RPS20: variants seen among roughly 807,000 people sequenced by gnomAD.
The protein encoded by RPS20 is small ribosomal subunit protein uS10.
Under a neutral mutation model 15.3 loss-of-function variants are expected in RPS20, and 3 were observed. The observed-to-expected ratio is 0.20, with a 90% confidence interval of 0.09 to 0.51. The LOEUF (loss-of-function observed/expected upper bound fraction) is 0.51. Among genes scored for constraint, RPS20 ranks in the 20% least tolerant of loss-of-function variants. RPS20 has a pLI of 0.96. For synonymous variants in RPS20, 62 were observed against 47.8 expected (o/e 1.30, Z -1.23); for missense variants, 67 against 145.9 (o/e 0.46, Z 2.79).
At chr8:56,072,876 G>A (rs1435178369), downstream of RPS20, 4 of 1,273,002 alleles carry the variant, frequency 3.1e-6, no homozygotes, top group Non-Finnish European at 3.0e-6. Flanking sequence ...AATAAAACCA[G>A]TCAGGTCTCA....
chr8:56,070,359 A>G (rs895019519), downstream of RPS20, among the ~76,000 whole-genome samples: 1 of 152,282 alleles, frequency 6.6e-6, no homozygotes. Flanking sequence ...CTGCATGGCT[A>G]GAGATTCTAC....
downstream of RPS20, chr8:56,069,842 CA>C (rs1361123521): frequency 2.9e-6 from 4 of 1,396,718 alleles, no homozygotes; most frequent in African/African-American, 5.7e-5. Context: ...AACTGTAGAT[CA>C]AAAGTATTCA....
exon 6 of RPS20, chr8:56,067,685 G>GA (rs374091971): frequency 0.012 from 1,589 of 136,220 alleles, 19 homozygotes; most frequent in African/African-American, 0.031. Flanking sequence ...GACTCCGTCT[G>GA]AAAAAAAAAA....
At chr8:56,069,213 G>A (rs976011379), downstream of RPS20, among the ~76,000 whole-genome samples, 14 of 151,944 alleles carry the variant, frequency 9.2e-5, no homozygotes, top group African/African-American at 3.4e-4. Flanking sequence ...AAGGAAATAA[G>A]GATTGATTTT....
intron 3 of RPS20, 68 bp downstream of exon 3, chr8:56,073,626 CT>C: frequency 7.3e-7 from 1 of 1,369,310 alleles, no homozygotes; most frequent in Non-Finnish European, 1.0e-6. Flanking sequence ...AGCCGAACTC[CT>C]TAAAGAACCT....
intron 1 of RPS20, 47 bp downstream of exon 1, chr8:56,074,334 G>A: frequency 6.5e-7 from 1 of 1,547,446 alleles, no homozygotes; most frequent in African/African-American, 1.4e-5. Flanking sequence ...GGTCCCCCCG[G>A]CGCCCGAGCC....
At chr8:56,072,841 C>T (rs1554524490), downstream of RPS20, 1 of 1,184,030 alleles carries the variant, frequency 8.4e-7, no homozygotes, top group South Asian at 2.5e-5. Context: ...CTAGAGTATG[C>T]CAAAGTTATA....
downstream of RPS20, among the ~76,000 whole-genome samples, chr8:56,070,399 CCA>C (rs1809719059): frequency 6.6e-6 from 1 of 152,164 alleles, no homozygotes; most frequent in Non-Finnish European, 1.5e-5. Context: ...CATTTTACAT[CCA>C]CAGAGCATAC....
At chr8:56,072,314 G>A (rs149768614), downstream of RPS20, among the ~76,000 whole-genome samples, 1,126 of 152,262 alleles carry the variant, frequency 7.4e-3, 7 homozygotes, top group Non-Finnish European at 0.013. Flanking sequence ...CACTTTGGGA[G>A]GCTGAGGCAG....
rs1328238161 is a variant in RPS20 at position 56,074,478 on chromosome 8, G to C, written c.-95C>G. 8 of 1,388,728 alleles carry C rather than the reference G, an allele frequency of 5.8e-6. No homozygotes were observed. The highest frequency in any genetic ancestry group is 2.1e-5 in the Admixed American group (1 of 47,002). The allele number at this position is 1,388,728 out of a possible 1,614,324, so 86.0% of individuals were successfully genotyped here. ...GGAGCGTGCGGACCAAAAATCCTCA[G>C]CCCTTACGACCGCGTCTTCCTCAAA... On this transcript the variant is annotated 5_prime_UTR_variant, in exon 1 of 4. Coordinates refer to ENST00000009589, the MANE Select transcript of RPS20 (RefSeq NM_001023.4).
At chr8:56,072,949 G>C (rs1809806491), downstream of RPS20, 11 of 1,419,352 alleles carry the variant, frequency 7.8e-6, no homozygotes, top group Non-Finnish European at 9.2e-6. Context: ...AAACAGGATA[G>C]ACCACTCTAA....
chr8:56,071,561 G>A (rs886818836), downstream of RPS20, among the ~76,000 whole-genome samples: 2 of 152,194 alleles, frequency 1.3e-5, no homozygotes, highest in African/African-American at 4.8e-5. Flanking sequence ...AGTAGGGGAG[G>A]GGCAAGGGGT....
downstream of RPS20, among the ~76,000 whole-genome samples, chr8:56,068,980 C>T (rs186696700): frequency 3.4e-4 from 51 of 151,514 alleles, 1 homozygote; most frequent in African/African-American, 1.2e-3. Context: ...GCATTTTTAG[C>T]AGAGACAGGG....
At chr8:56,072,095 G>A (rs1809777827), downstream of RPS20, among the ~76,000 whole-genome samples, 1 of 152,072 alleles carries the variant, frequency 6.6e-6, no homozygotes, top group African/African-American at 2.4e-5. Flanking sequence ...ACAATTAGCT[G>A]GGCATGGTAG....
At chr8:56,071,303 A>G (rs752180008), downstream of RPS20, among the ~76,000 whole-genome samples, 5 of 152,220 alleles carry the variant, frequency 3.3e-5, no homozygotes, top group South Asian at 2.1e-4. Flanking sequence ...TGTGTGCTCT[A>G]AAGACTGCTA....
At chr8:56,073,027 A>G (rs1809809438), downstream of RPS20, 1 of 1,564,874 alleles carries the variant, frequency 6.4e-7, no homozygotes, top group East Asian at 2.2e-5. Flanking sequence ...AAAATCTGCC[A>G]GTATTCTGAA....
At chr8:56,069,815 C>A, downstream of RPS20, 5 of 1,525,388 alleles carry the variant, frequency 3.3e-6, no homozygotes, top group Non-Finnish European at 4.5e-6. Context: ...ATGGGTTCTG[C>A]ATCTGTAGAT....
downstream of RPS20, among the ~76,000 whole-genome samples, chr8:56,069,237 A>T (rs1809688005): frequency 1.3e-5 from 2 of 149,536 alleles, no homozygotes; most frequent in Admixed American, 1.3e-4. Flanking sequence ...CCTCTGACTT[A>T]CTTTTTCCTT....
In RPS20 at chr8:56,074,424, C is replaced by A; in HGVS notation, c.-41G>T. 6.5e-7 allele frequency: 1 copy of A among 1,549,498 alleles called. No homozygotes were observed. The stretch of plus-strand genomic sequence containing the variant: ...GCTTCCTGACCGACTTGTTCCTCGG[C>A]GAGAGCGAACAGCGGTGAGTCAGGA... On this transcript the variant is annotated 5_prime_UTR_variant, in exon 1 of 4. Transcript: ENST00000009589.
Sources: allele counts gnomAD v4.1 joint callset (sites outside exome capture counted in the v4.1 genomes callset), GRCh38; gene constraint gnomAD v4.1.1; transcripts MANE v1.5; gene names NCBI Gene and HGNC (gene_info 2026-07-23, HGNC 2026-07-21).